Variants in TNKS2 observed in about 807,000 individuals in gnomAD.
The protein encoded by TNKS2 is poly [ADP-ribose] polymerase tankyrase-2.
TNKS2 carries 72 observed loss-of-function variants against 137.6 expected under a neutral mutation model. The observed-to-expected ratio is 0.52, with a 90% CI of 0.43 to 0.64. TNKS2 has a LOEUF of 0.64. Among genes scored for constraint, TNKS2 ranks in the 30% least tolerant of loss-of-function variants. The pLI, the probability that TNKS2 is intolerant of heterozygous loss-of-function variation, is 0.00. For missense variants in TNKS2, 1,049 were observed against 1,410.2 expected, an observed-to-expected ratio of 0.74 and a Z score of 4.10; for synonymous variants, 516 against 512.1, an observed-to-expected ratio of 1.01 and a Z score of -0.10.
chr10:91,849,677 C>A, intron 20 of TNKS2, 83 bp downstream of exon 20: 1 of 1,061,738 alleles, frequency 9.4e-7, no homozygotes, highest in Non-Finnish European at 1.4e-6. Context: ...ATGAGCTGAA[C>A]CATGTAAGCT....
intron 13 of TNKS2, among the ~76,000 whole-genome samples, chr10:91,837,412 T>C (rs944738383): frequency 6.6e-6 from 1 of 152,262 alleles, no homozygotes; most frequent in Non-Finnish European, 1.5e-5. Context: ...TCACCCCATC[T>C]ACCTCTAGGG....
At chr10:91,839,003 C>T (rs963097643) in intron 13 of TNKS2, among the ~76,000 whole-genome samples, 1 of 151,970 alleles carries the variant, frequency 6.6e-6, no homozygotes, top group African/African-American at 2.4e-5. Context: ...GAGTAGCTGG[C>T]ATTACAGGCG....
At chr10:91,822,099 G>A (rs1473051012) in intron 6 of TNKS2, among the ~76,000 whole-genome samples, 197 bp from the exon 7 acceptor site, 2 of 152,202 alleles carry the variant, frequency 1.3e-5, no homozygotes, top group Non-Finnish European at 2.9e-5. Context: ...ACATGGATTT[G>A]AAAGAGACTT....
At position 91,849,576 on chromosome 10, in the gene TNKS2, T is replaced by A. The variant is rs927622502; in HGVS notation, c.2676T>A (p.Asp892Glu). 1 of 1,611,294 alleles carries A rather than the reference T, an allele frequency of 6.2e-7. No individual in the cohort carries two copies. The stretch of plus-strand genomic sequence containing the variant: ...ATCTTGGACTTGAGCACCTAATGGA[T>A]ATATTTGAGAGAGAACAGGTGAGTA... Reference protein sequence around the residue: ...VRNLGLEHLMDIFEREQITLD... With the variant: ...VRNLGLEHLMEIFEREQITLD... Residue 892 changes from aspartate to glutamate, a missense_variant, in exon 20 of 27, where the codon GAT (aspartate) becomes GAA (glutamate). Around this residue, in one of 6 missense-constraint regions of TNKS2, gnomAD observed 208 missense variants for 231.2 expected, o/e 0.90. Coordinates refer to ENST00000371627, the MANE Select transcript of TNKS2 (RefSeq NM_025235.4).
chr10:91,822,408 A>T, intron 7 of TNKS2, 46 bp downstream of exon 7: 4 of 1,389,112 alleles, frequency 2.9e-6, no homozygotes, highest in Non-Finnish European at 3.1e-6. Flanking sequence ...AGTTATATAA[A>T]ATAACTTGAA....
chr10:91,800,675 A>C (rs1182708106), intron 1 of TNKS2, among the ~76,000 whole-genome samples: 1 of 152,022 alleles, frequency 6.6e-6, no homozygotes, highest in East Asian at 1.9e-4. Context: ...TCAGATTAAG[A>C]GTTAAAGGTA....
Position 91,841,437 on chromosome 10 carries a change from C to T in TNKS2, c.1828C>T (p.Leu610Phe). ...AAKGKYEICK[L>F]LLQHGADPTK... ...AAAAGGAAAATATGAAATTTGCAAA[C>T]TTCTGCTCCAGGTATATTTAAATAC... The change falls in exon 15 of 27, where the codon CTT becomes TTT. Residue 610 changes from leucine to phenylalanine, a missense_variant. Leu to Phe is a conservative substitution (Grantham distance 22). Coordinates refer to ENST00000371627, the MANE Select transcript of TNKS2 (RefSeq NM_025235.4). The T allele has an allele frequency of 6.2e-7, 1 of 1,603,978 alleles. No individual in the cohort carries two copies. Among genetic ancestry groups the T allele is most frequent in the Non-Finnish European group, 8.5e-7 (1 of 1,175,956 alleles).
At chr10:91,800,763 T>A (rs973291737) in intron 1 of TNKS2, among the ~76,000 whole-genome samples, 4 of 152,214 alleles carry the variant, frequency 2.6e-5, no homozygotes, top group Non-Finnish European at 5.9e-5. Flanking sequence ...ACTTCAATCA[T>A]ATAAGAAACT....
intron 7 of TNKS2, among the ~76,000 whole-genome samples, chr10:91,826,714 G>C (rs532340601): frequency 6.6e-6 from 1 of 152,276 alleles, no homozygotes; most frequent in South Asian, 2.1e-4. Context: ...ATGTTTCACT[G>C]TATGTCAGCT....
rs553432551 is a variant in TNKS2, at chr10:91,834,119, A to T, written c.1447+95A>T. ...ATAGGTAGGAGTTGGTAATAAGAAAAATTGAGAATTTTTGTTTATTTCTTC... is the reference window on the plus strand; with the variant it reads ...ATAGGTAGGAGTTGGTAATAAGAAATATTGAGAATTTTTGTTTATTTCTTC... On this transcript the variant is annotated intron_variant, in intron 12 of 26. Coordinates refer to ENST00000371627, the MANE Select transcript of TNKS2 (RefSeq NM_025235.4). 8.4e-5 allele frequency: 89 copies of T among 1,054,122 alleles called. No homozygotes were observed. In the African/African-American group the frequency reaches 1.3e-3, roughly 16 times the overall value. 65.3% of individuals were successfully genotyped at this position (1,054,122 alleles called of 1,614,324 possible). A position where few individuals can be genotyped will look rare whatever the true frequency, so the allele number is the denominator to read the frequency against.
chr10:91,826,799 A>G (rs534626401), intron 7 of TNKS2, among the ~76,000 whole-genome samples: 99 of 152,336 alleles, frequency 6.5e-4, no homozygotes, highest in African/African-American at 2.3e-3. Context: ...CTGTTCTTAA[A>G]AGTAGAAAAG....
Position 91,856,857 on chromosome 10 carries a change from A to G in TNKS2, c.2989-568A>G, listed in dbSNP as rs893603262. Among the ~76,000 whole-genome samples, 10 of 152,324 alleles carry G rather than the reference A, an allele frequency of 6.6e-5. No homozygotes were observed. The East Asian group carries it at 1.5e-3, about 23-fold the overall frequency. ...GGCTGTAGCACCTTTAAACACAGCTAAGAAACAACACTAGTATTGTGAATT... is the reference window on the plus strand; with the variant it reads ...GGCTGTAGCACCTTTAAACACAGCTGAGAAACAACACTAGTATTGTGAATT... On this transcript the variant is annotated intron_variant, in intron 23 of 26. Transcript: ENST00000371627.
At chr10:91,831,659 G>A (rs545325864) in intron 11 of TNKS2, among the ~76,000 whole-genome samples, 23 of 152,134 alleles carry the variant, frequency 1.5e-4, no homozygotes, top group African/African-American at 4.8e-4. Context: ...TCCCCATGTT[G>A]GTAAGTTACT....
chr10:91,832,051 A>G (rs1845267627), intron 11 of TNKS2, among the ~76,000 whole-genome samples: 1 of 152,196 alleles, frequency 6.6e-6, no homozygotes, highest in South Asian at 2.1e-4. Context: ...CATTCATTCA[A>G]GGAACGATTT....
chr10:91,832,608 T>C (rs1841846246), intron 11 of TNKS2, among the ~76,000 whole-genome samples: 1 of 152,150 alleles, frequency 6.6e-6, no homozygotes, highest in African/African-American at 2.4e-5. Flanking sequence ...CATACTCTAG[T>C]TTTAGGTTCA....
intron 25 of TNKS2, 29 bp from the exon 26 acceptor site, chr10:91,861,970 A>G (rs1842864921): frequency 2.5e-6 from 4 of 1,585,746 alleles, no homozygotes; most frequent in Non-Finnish European, 2.6e-6. Flanking sequence ...ATTTGACTTC[A>G]GGGTGATCTT....
At chr10:91,840,038 A>G (rs2133651764) in intron 13 of TNKS2, among the ~76,000 whole-genome samples, 1 of 152,272 alleles carries the variant, frequency 6.6e-6, no homozygotes, top group African/African-American at 2.4e-5. Context: ...TAGAAAAAGT[A>G]GAATATAAAG....
chr10:91,859,737 CT>C, intron 25 of TNKS2, 89 bp downstream of exon 25: 1 of 1,035,380 alleles, frequency 9.7e-7, no homozygotes, highest in Non-Finnish European at 1.4e-6. Flanking sequence ...GTTGGACAGT[CT>C]TAGGAATGCA....
At chr10:91,821,398 A>G in intron 6 of TNKS2, among the ~76,000 whole-genome samples, 1 of 152,044 alleles carries the variant, frequency 6.6e-6, no homozygotes, top group Admixed American at 6.6e-5. Context: ...AGTTAGGAAC[A>G]AAATTGGTGC....
Sources: allele counts gnomAD v4.1 joint callset (sites outside exome capture counted in the v4.1 genomes callset), GRCh38; gene constraint gnomAD v4.1.1; regional missense constraint gnomAD v4.1.1; transcripts MANE v1.5; gene names NCBI Gene and HGNC (gene_info 2026-07-23, HGNC 2026-07-21).